Variants in COL22A1 observed in about 807,000 individuals in gnomAD.
COL22A1 encodes collagen type XXII alpha 1 chain.
COL22A1 carries 221 observed loss-of-function variants against 248.9 expected under a neutral mutation model. The ratio of observed to expected loss-of-function variants is 0.89; its 90% confidence interval spans 0.80 to 0.99. The LOEUF is 0.99. Among genes scored for constraint, COL22A1 ranks in the 50% least tolerant of loss-of-function variants. The pLI is 0.00. For synonymous variants in COL22A1, 891 were observed against 793.4 expected, an observed-to-expected ratio of 1.12 and a Z score of -2.07; for missense variants, 2,240 against 2,179.0, an observed-to-expected ratio of 1.03 and a Z score of -0.56.
At chr8:138,614,023 G>T in intron 55 of COL22A1, 103 bp from the exon 56 acceptor site, 1 of 867,902 alleles carries the variant, frequency 1.2e-6, no homozygotes, top group Non-Finnish European at 1.9e-6. Flanking sequence ...TTACCCAAAG[G>T]AACCAACAAA....
intron 1 of COL22A1, among the ~76,000 whole-genome samples, chr8:138,890,615 G>A (rs62528820): frequency 2.6e-5 from 4 of 151,914 alleles, no homozygotes; most frequent in Non-Finnish European, 4.4e-5. Context: ...GTCCAGCTAC[G>A]GATGGCATGA....
rs1478752666 is a variant in COL22A1, at chr8:138,878,306, AC to A, written c.101del (p.Ser34MetfsTer195). 1 of 1,546,380 alleles carries A rather than the reference AC, an allele frequency of 6.5e-7. No homozygotes were observed. The highest frequency in any genetic ancestry group is 2.3e-5 in the East Asian group (1 of 42,804). On this transcript the variant is annotated frameshift_variant, in exon 3 of 65. Coordinates refer to ENST00000303045, the MANE Select transcript of COL22A1 (RefSeq NM_152888.3). LOFTEE classifies it high-confidence loss of function. Reference protein sequence around the residue: ...GCQAQRAGCKSVHYDLVFLLD... With the variant: ...GCQAQRAGCKXVHYDLVFLLD... The stretch of plus-strand genomic sequence containing the variant: ...GGAGGAAGACCAGATCGTAGTGGAC[AC>A]TTTTGCAACCTGCAGGGGTGAGAGA...
chr8:138,779,366 CA>C (rs1244120319), intron 14 of COL22A1, 142 bp downstream of exon 14: 1 of 606,050 alleles, frequency 1.7e-6, no homozygotes, highest in Non-Finnish European at 3.0e-6. Flanking sequence ...TGTGGATATA[CA>C]CACACAAATG....
rs565812535 is a variant in COL22A1 at position 138,739,305 on chromosome 8, C to T, written c.2086-1728G>A. 2.6e-5 allele frequency among the ~76,000 whole-genome samples: 4 copies of T among 152,316 alleles called. No individual in the cohort carries two copies. The South Asian group carries it at 8.3e-4, about 32-fold the overall frequency. ...CCACCTTGAATCTGCCAAATGCATT[C>T]CAAACTGAAGGTCTGTCCACTGGCG... On this transcript the variant is annotated intron_variant, in intron 22 of 64. Coordinates refer to ENST00000303045, the MANE Select transcript of COL22A1 (RefSeq NM_152888.3).
At chr8:138,593,943 G>A in intron 63 of COL22A1, 74 bp downstream of exon 63, 1 of 1,200,462 alleles carries the variant, frequency 8.3e-7, no homozygotes, top group Non-Finnish European at 1.1e-6. Context: ...TGCATGCAGT[G>A]CCACCTCCCA....
chr8:138,870,321 T>G (rs117999338), intron 3 of COL22A1, among the ~76,000 whole-genome samples: 317 of 151,772 alleles, frequency 2.1e-3, no homozygotes, highest in Non-Finnish European at 3.7e-3. Context: ...TGTGTGTATA[T>G]AGAATGTGTG....
At chr8:138,593,634 C>T (rs1325524305) in intron 63 of COL22A1, among the ~76,000 whole-genome samples, 2 of 152,062 alleles carry the variant, frequency 1.3e-5, no homozygotes, top group African/African-American at 2.4e-5. Flanking sequence ...GGGCAGTTAA[C>T]AGCTGTTTTG....
At chr8:138,852,931 C>A (rs1011253079) in intron 3 of COL22A1, among the ~76,000 whole-genome samples, 1 of 151,684 alleles carries the variant, frequency 6.6e-6, no homozygotes. Context: ...TCACTTGAGG[C>A]CAGGAGTTTG....
At chr8:138,617,034 C>A in intron 53 of COL22A1, 76 bp from the exon 54 acceptor site, 3 of 1,497,120 alleles carry the variant, frequency 2.0e-6, no homozygotes, top group Non-Finnish European at 2.8e-6. Context: ...TACCTCCCTG[C>A]CGGCTTTGAC....
At chr8:138,847,300 C>A (rs1304438977) in intron 3 of COL22A1, among the ~76,000 whole-genome samples, 1 of 152,222 alleles carries the variant, frequency 6.6e-6, no homozygotes, top group African/African-American at 2.4e-5. Flanking sequence ...GGGAGCCTCC[C>A]AGGCATGGGG....
intron 56 of COL22A1, among the ~76,000 whole-genome samples, chr8:138,611,453 G>T (rs769124441): frequency 2.1e-4 from 32 of 152,190 alleles, no homozygotes; most frequent in Non-Finnish European, 3.8e-4. Flanking sequence ...AGCTGGGGGG[G>T]ACCCAGTCAG....
intron 31 of COL22A1, among the ~76,000 whole-genome samples, chr8:138,700,755 C>T (rs62527945): frequency 0.1 from 15,433 of 152,122 alleles, 982 homozygotes; most frequent in Non-Finnish European, 0.14. Flanking sequence ...GAGGCCAAGG[C>T]GGGCGGATCA....
At chr8:138,803,691 A>C (rs1421690451) in intron 10 of COL22A1, among the ~76,000 whole-genome samples, 1 of 152,112 alleles carries the variant, frequency 6.6e-6, no homozygotes, top group Non-Finnish European at 1.5e-5. Context: ...AAGGGAGGAA[A>C]AACTCATCAC....
At chr8:138,655,729 G>A (rs1823189037) in intron 45 of COL22A1, among the ~76,000 whole-genome samples, 168 bp downstream of exon 45, 1 of 151,910 alleles carries the variant, frequency 6.6e-6, no homozygotes, top group Non-Finnish European at 1.5e-5. Flanking sequence ...GTTGGACAGG[G>A]GGATTTAGCA....
chr8:138,905,029 G>C (rs954616307), intron 1 of COL22A1, among the ~76,000 whole-genome samples: 2 of 152,208 alleles, frequency 1.3e-5, no homozygotes, highest in African/African-American at 4.8e-5. Context: ...TACTTCATCA[G>C]TTGCTGAGTC....
At chr8:138,619,427 C>A (rs920263276) in intron 53 of COL22A1, 28 bp downstream of exon 53, 25 of 1,610,716 alleles carry the variant, frequency 1.6e-5, no homozygotes, top group Non-Finnish European at 2.0e-5. Flanking sequence ...CTTGGTTCTA[C>A]CGTTCCCCAC....
In COL22A1 at chr8:138,838,438, G is replaced by A. The variant is rs143198825; in HGVS notation, c.734-5288C>T. Among the ~76,000 whole-genome samples, 1,167 of 152,212 alleles carry A rather than the reference G, an allele frequency of 7.7e-3. 14 individuals are homozygous for A. Among genetic ancestry groups the A allele is most frequent in the South Asian group, 0.046 (222 of 4,828 alleles). On this transcript the variant is annotated intron_variant, in intron 4 of 64. Transcript: ENST00000303045. ...AGGGCCGGGAACTGCAAAGTGGGCC[G>A]ATCCTCTACTTCACAGCACCATCAA...
chr8:138,800,188 T>A (rs915567522), intron 11 of COL22A1, among the ~76,000 whole-genome samples: 5 of 152,156 alleles, frequency 3.3e-5, no homozygotes, highest in Non-Finnish European at 7.3e-5. Flanking sequence ...TTTCTCAGCT[T>A]GCATCCTTCA....
intron 23 of COL22A1, among the ~76,000 whole-genome samples, chr8:138,728,338 C>T (rs6577942): frequency 0.43 from 65,016 of 151,828 alleles, 15,002 homozygotes; most frequent in African/African-American, 0.61. Flanking sequence ...TACCTCAACA[C>T]GGTCTTTGAG....
Sources: gnomAD v4.1 joint callset for allele counts (sites outside exome capture counted in the v4.1 genomes callset) on GRCh38, gnomAD v4.1.1 for gene constraint, MANE v1.5 for transcripts, NCBI Gene and HGNC (gene_info 2026-07-23, HGNC 2026-07-21) for gene names.